Variants in CCNB1 observed in about 807,000 individuals in gnomAD.
CCNB1 encodes the protein G2/mitotic-specific cyclin-B1.
Under a neutral mutation model 44.4 loss-of-function variants are expected in CCNB1, and 26 were observed. The observed-to-expected ratio is 0.59, with a 90% CI of 0.43 to 0.81. The LOEUF is 0.81. Among genes scored for constraint, CCNB1 ranks in the 40% least tolerant of loss-of-function variants. The probability of loss-of-function intolerance (pLI) is 0.00; values close to 1 mark genes in which losing one functional copy is unlikely to be tolerated. For missense variants in CCNB1, 477 were observed against 520.9 expected, an observed-to-expected ratio of 0.92 and a Z score of 0.82; for synonymous variants, 195 against 181.4, an observed-to-expected ratio of 1.08 and a Z score of -0.60.
chr5:69,167,188 T>C lies in CCNB1; in HGVS notation c.-75T>C. The stretch of plus-strand genomic sequence containing the variant: ...GGAACGGCTGTTGGTTTCTGCTGGG[T>C]GTAGGTCCTTGGCTGGTCGGGCCTC... On this transcript the variant is annotated 5_prime_UTR_variant, in exon 1 of 9. Coordinates refer to ENST00000256442, the MANE Select transcript of CCNB1 (RefSeq NM_031966.4). The C allele has an allele frequency of 7.5e-7, 1 of 1,331,052 alleles. No individual in the cohort carries two copies. The highest frequency in any genetic ancestry group is 1.0e-6 in the Non-Finnish European group (1 of 974,420). 82.5% of individuals were successfully genotyped at this position (1,331,052 alleles called of 1,614,324 possible). A position where few individuals can be genotyped will look rare whatever the true frequency, so the allele number is the denominator to read the frequency against.
Position 69,167,907 on chromosome 5 carries a change from G to C in CCNB1, c.22-1G>C. 1 of 1,608,314 alleles carries C rather than the reference G, an allele frequency of 6.2e-7. No individual in the cohort carries two copies. Among genetic ancestry groups the C allele is most frequent in the Non-Finnish European group, 8.5e-7 (1 of 1,178,062 alleles). Reference sequence around the variant, plus strand: ...TCTTAAAGTGGTCTTGCTTCTTTCAGAACTCGAAAATTAATGCTGAAAATA... The same window carrying C: ...TCTTAAAGTGGTCTTGCTTCTTTCACAACTCGAAAATTAATGCTGAAAATA... On this transcript the variant is annotated splice_acceptor_variant, in intron 1 of 8. Transcript: ENST00000256442. LOFTEE classifies it high-confidence loss of function.
At position 69,178,176 on chromosome 5, in the gene CCNB1, T is replaced by C. The variant is rs1747639930; in HGVS notation, c.*545T>C. ...AAACTTTCACTTTGAAAAATGAGAA[T>C]TTTATATTCTAAGCCAGTTTTCATT... is the stretch of plus-strand genomic sequence containing the variant. On this transcript the variant is annotated 3_prime_UTR_variant, in exon 9 of 9. Coordinates refer to ENST00000256442, the MANE Select transcript of CCNB1 (RefSeq NM_031966.4). 6.6e-6 allele frequency: 1 copy of C among 152,228 alleles called. No homozygotes were observed. The highest frequency in any genetic ancestry group is 2.4e-5 in the African/African-American group (1 of 41,458). The allele number at this position is 152,228 out of a possible 1,614,324, so 9.4% of individuals were successfully genotyped here.
rs1387864111 is a variant in CCNB1, at chr5:69,171,214, C to A, written c.364-56C>A. The A allele has an allele frequency of 7.5e-5, 103 of 1,379,886 alleles. No individual in the cohort carries two copies. The South Asian group carries it at 1.3e-3, about 17-fold the overall frequency. The allele number at this position is 1,379,886 out of a possible 1,614,324, so 85.5% of individuals were successfully genotyped here. A position where few individuals can be genotyped will look rare whatever the true frequency, so the allele number is the denominator to read the frequency against. On this transcript the variant is annotated intron_variant, in intron 3 of 8. Coordinates refer to ENST00000256442, the MANE Select transcript of CCNB1 (RefSeq NM_031966.4). ...TGGTACCAATAACCTGAACTTCATG[C>A]CCAAACTATAGTGCTTACTTCTATT...
chr5:69,169,036 T>G (rs1309717335), intron 3 of CCNB1, among the ~76,000 whole-genome samples: 1 of 152,204 alleles, frequency 6.6e-6, no homozygotes, highest in Non-Finnish European at 1.5e-5. Context: ...GAAGCTCTGT[T>G]TTTTTAAACT....
At chr5:69,170,407 A>G (rs1375051082) in intron 3 of CCNB1, among the ~76,000 whole-genome samples, 1 of 152,228 alleles carries the variant, frequency 6.6e-6, no homozygotes, top group Non-Finnish European at 1.5e-5. Flanking sequence ...GGGAGCTTGA[A>G]GGAAATGGTT....
rs1747373772 is a variant in CCNB1, at chr5:69,167,964, C to A, written c.78C>A (p.Arg26=). 6.2e-7 allele frequency: 1 copy of A among 1,613,922 alleles called. No individual in the cohort carries two copies. Among genetic ancestry groups the A allele is most frequent in the African/African-American group, 1.3e-5 (1 of 74,926 alleles). ...AGATCAACATGGCAGGCGCAAAGCG[C>A]GTTCCTACGGCCCCTGCTGCAACCT... ...KAKINMAGAK[R]VPTAPAATSK... Residue 26 remains arginine (R), a synonymous_variant, in exon 2 of 9, where the codon CGC becomes CGA. Coordinates refer to ENST00000256442, the MANE Select transcript of CCNB1 (RefSeq NM_031966.4).
At chr5:69,173,411 C>A (rs191731643) in intron 4 of CCNB1, among the ~76,000 whole-genome samples, 5 of 152,224 alleles carry the variant, frequency 3.3e-5, no homozygotes, top group Non-Finnish European at 7.4e-5. Flanking sequence ...ATATCAAGGG[C>A]TGTTTTGGAG....
At chr5:69,177,433 A>C in intron 8 of CCNB1, 84 bp downstream of exon 8, 1 of 1,265,058 alleles carries the variant, frequency 7.9e-7, no homozygotes, top group Non-Finnish European at 1.2e-6. Flanking sequence ...TTTATTTTTA[A>C]TGAGTTAATG....
intron 5 of CCNB1, 75 bp downstream of exon 5, chr5:69,174,484 C>T (rs1247817820): frequency 3.5e-6 from 5 of 1,429,122 alleles, no homozygotes; most frequent in Non-Finnish European, 4.8e-6. Context: ...TCAGGCCAGT[C>T]TGGGCGCAGT....
At chr5:69,175,689 T>C in intron 7 of CCNB1, 152 bp downstream of exon 7, 1 of 819,762 alleles carries the variant, frequency 1.2e-6, no homozygotes, top group East Asian at 2.7e-5. Flanking sequence ...TGTTTCCACA[T>C]CTTTTTGTTT....
At chr5:69,174,806 C>G in intron 5 of CCNB1, 71 bp from the exon 6 acceptor site, 34 of 1,149,234 alleles carry the variant, frequency 3.0e-5, no homozygotes, top group South Asian at 3.9e-5. Context: ...TGTCTTTCTA[C>G]CTCTCCTTCA....
intron 4 of CCNB1, 98 bp downstream of exon 4, chr5:69,171,550 C>A (rs1747460529): frequency 1.2e-6 from 1 of 855,608 alleles, no homozygotes; most frequent in Non-Finnish European, 1.8e-6. Context: ...ACGTGGGCAG[C>A]ATTTCTTAAG....
At chr5:69,171,682 G>A (rs1367380778) in intron 4 of CCNB1, among the ~76,000 whole-genome samples, 2 of 152,094 alleles carry the variant, frequency 1.3e-5, no homozygotes, top group South Asian at 2.1e-4. Flanking sequence ...TACTACTATC[G>A]CTTTCTAAAG....
At chr5:69,176,613 G>T (rs182704889) in intron 7 of CCNB1, among the ~76,000 whole-genome samples, 3 of 149,672 alleles carry the variant, frequency 2.0e-5, no homozygotes, top group African/African-American at 4.9e-5. Flanking sequence ...CTCGTGATCC[G>T]CCCACCTTGG....
chr5:69,177,720 T>C lies in CCNB1; in HGVS notation c.*89T>C. On this transcript the variant is annotated 3_prime_UTR_variant, in exon 9 of 9. Coordinates refer to ENST00000256442, the MANE Select transcript of CCNB1 (RefSeq NM_031966.4). ...ATATTACTGTTGCATTTACTTTTAA[T>C]AAAGCTTGTGGCCCCTTTTACTTTT... 1 of 771,780 alleles carries C rather than the reference T, an allele frequency of 1.3e-6. No individual in the cohort carries two copies. Among genetic ancestry groups the C allele is most frequent in the Non-Finnish European group, 2.2e-6 (1 of 461,392 alleles). The allele number at this position is 771,780 out of a possible 1,614,324, so 47.8% of individuals were successfully genotyped here.
intron 3 of CCNB1, among the ~76,000 whole-genome samples, chr5:69,168,776 A>G (rs1277168267): frequency 1.3e-5 from 2 of 152,184 alleles, no homozygotes; most frequent in Non-Finnish European, 2.9e-5. Context: ...GTTCTCTTGA[A>G]TTTTTTTACT....
chr5:69,170,521 A>ATGAC (rs1432416003), intron 3 of CCNB1, among the ~76,000 whole-genome samples: 8 of 152,202 alleles, frequency 5.3e-5, no homozygotes, highest in African/African-American at 1.9e-4. Context: ...CTGAATTGTC[A>ATGAC]TTTATTTGGA....
chr5:69,176,991 G>A lies in CCNB1; in HGVS notation c.1084-248G>A, dbSNP rs1432119881. The stretch of plus-strand genomic sequence containing the variant: ...TCTCAAAAAAAAAAAAAATTACAAA[G>A]TTGGCCTCAAGGAAGTGGAGTCTAG... On this transcript the variant is annotated intron_variant, in intron 7 of 8. Transcript: ENST00000256442. The A allele has an allele frequency of 2.3e-5, 7 of 307,396 alleles. No homozygotes were observed. In the East Asian group the frequency reaches 3.5e-4, roughly 15 times the overall value. 19.0% of individuals were successfully genotyped at this position (307,396 alleles called of 1,614,324 possible).
intron 7 of CCNB1, among the ~76,000 whole-genome samples, chr5:69,176,342 C>T (rs950499129): frequency 1.3e-5 from 2 of 151,682 alleles, no homozygotes; most frequent in Non-Finnish European, 2.9e-5. Context: ...TCCTATGTGA[C>T]AGGCACTACC....
Sources: allele counts gnomAD v4.1 joint callset (sites outside exome capture counted in the v4.1 genomes callset), GRCh38; gene constraint gnomAD v4.1.1; transcripts MANE v1.5; gene names NCBI Gene and HGNC (gene_info 2026-07-23, HGNC 2026-07-21).